TBXT: variants seen among roughly 807,000 people sequenced by gnomAD.
TBXT encodes T brachyury transcription factor.
In TBXT, 19 loss-of-function variants were observed where a neutral mutation model predicts 41.1. That is an observed-to-expected ratio of 0.46 (90% CI 0.32 to 0.68). The LOEUF (loss-of-function observed/expected upper bound fraction) is 0.68. TBXT is among the 30% of genes least tolerant of loss of function. The probability of loss-of-function intolerance (pLI) is 0.03; values close to 1 mark genes in which losing one functional copy is unlikely to be tolerated. For synonymous variants in TBXT, 213 were observed against 238.9 expected, an observed-to-expected ratio of 0.89 and a Z score of 1.00; for missense variants, 536 against 582.0, an observed-to-expected ratio of 0.92 and a Z score of 0.81.
chr6:166,167,592 C>T lies in TBXT; in HGVS notation c.-1G>A, dbSNP rs1200543837. 3 of 1,552,646 alleles carry T rather than the reference C, an allele frequency of 1.9e-6. No individual in the cohort carries two copies. The highest frequency in any genetic ancestry group is 1.2e-5 in the South Asian group (1 of 85,406). On this transcript the variant is annotated 5_prime_UTR_variant, in exon 1 of 8. Coordinates refer to ENST00000366876, the MANE Select transcript of TBXT (RefSeq NM_001366285.2). ...CGCTCTCGGTGCCAGGGGAGCTCAT[C>T]CTCCCGTCCGGCTCCCCTCCCCGCC... is the stretch of plus-strand genomic sequence containing the variant.
chr6:166,165,657 C>G (rs1306477967), intron 3 of TBXT, 49 bp downstream of exon 3: 1 of 1,612,608 alleles, frequency 6.2e-7, no homozygotes, highest in East Asian at 2.2e-5. Flanking sequence ...CGGAGCAGCA[C>G]ACCACACCGC....
chr6:166,161,016 A>G (rs1778940185), intron 6 of TBXT, 50 bp from the exon 7 acceptor site: 1 of 1,608,170 alleles, frequency 6.2e-7, no homozygotes. Context: ...TCTTCCAAGA[A>G]CAACAAAGTA....
intron 3 of TBXT, 39 bp downstream of exon 3, chr6:166,165,667 C>A: frequency 6.2e-7 from 1 of 1,612,924 alleles, no homozygotes; most frequent in Non-Finnish European, 8.5e-7. Context: ...CACCACACCG[C>A]AGCACACCGG....
intron 1 of TBXT, 41 bp from the exon 2 acceptor site, chr6:166,166,897 A>G: frequency 6.2e-7 from 1 of 1,612,182 alleles, no homozygotes; most frequent in Non-Finnish European, 8.5e-7. Context: ...CCCGACACTG[A>G]CCAGGTAGGC....
intron 5 of TBXT, 38 bp downstream of exon 5, chr6:166,164,567 T>A (rs1253597214): frequency 1.9e-6 from 3 of 1,612,906 alleles, no homozygotes; most frequent in Non-Finnish European, 2.5e-6. Flanking sequence ...CTAGTCCCGA[T>A]GACGCAGAAT....
intron 1 of TBXT, 135 bp downstream of exon 1, chr6:166,167,251 G>A (rs1016396712): frequency 2.3e-5 from 24 of 1,034,512 alleles, no homozygotes; most frequent in Admixed American, 2.1e-4. Context: ...ACTCGAGGGA[G>A]TTAACCAGAG....
At position 166,167,747 on chromosome 6, in the gene TBXT, G is replaced by A. The variant is rs1779174422; in HGVS notation, c.-156C>T. ...GGGTCCCGGGTCCCGGCACAGACCC[G>A]GGAGGAGGGCGCGGACCAAGACTTG... is the stretch of plus-strand genomic sequence containing the variant. On this transcript the variant is annotated 5_prime_UTR_variant, in exon 1 of 8. Transcript: ENST00000366876. 3 of 927,216 alleles carry A rather than the reference G, an allele frequency of 3.2e-6. No individual in the cohort carries two copies. The highest frequency in any genetic ancestry group is 3.2e-6 in the Non-Finnish European group (2 of 615,750). 57.4% of individuals were successfully genotyped at this position (927,216 alleles called of 1,614,324 possible). A position where few individuals can be genotyped will look rare whatever the true frequency, so the allele number is the denominator to read the frequency against.
In TBXT at chr6:166,166,611, T is replaced by C; in HGVS notation, c.452A>G (p.Lys151Arg). ...ACCTACCTGGCCCCCTCCGTTGAGC[T>C]TGTTGGTGAGCTTGACTTTGCTGAA... is the stretch of plus-strand genomic sequence containing the variant. ...VSFSKVKLTN[K>R]LNGGGQIMLN... is the part of the protein sequence containing the mutation. The change falls in exon 2 of 8, where the codon AAG becomes AGG. Residue 151 changes from lysine to arginine, a missense_variant. Lys to Arg is a conservative substitution (Grantham distance 26). Transcript: ENST00000366876. 1 of 1,613,974 alleles carries C rather than the reference T, an allele frequency of 6.2e-7. No individual in the cohort carries two copies. Among genetic ancestry groups the C allele is most frequent in the Non-Finnish European group, 8.5e-7 (1 of 1,179,994 alleles).
At chr6:166,165,603 C>T (rs1779084375) in intron 3 of TBXT, 103 bp downstream of exon 3, 2 of 1,580,380 alleles carry the variant, frequency 1.3e-6, no homozygotes, top group African/African-American at 2.7e-5. Context: ...AAGCCTTCCT[C>T]TCAGTGCGGG....
rs1354837276 is a variant in TBXT at position 166,167,775 on chromosome 6, G to A, written c.-184C>T. 5.9e-6 allele frequency: 4 copies of A among 682,846 alleles called. No individual in the cohort carries two copies. The East Asian group carries it at 1.1e-4, about 18-fold the overall frequency. The allele number at this position is 682,846 out of a possible 1,614,324, so 42.3% of individuals were successfully genotyped here. On this transcript the variant is annotated 5_prime_UTR_variant, in exon 1 of 8. Transcript: ENST00000366876. Reference sequence around the variant, plus strand: ...AGGAGGGCGCGGACCAAGACTTGGGGGGAGGGGACGGGGGCAGAGGGGTGG... The same window carrying A: ...AGGAGGGCGCGGACCAAGACTTGGGAGGAGGGGACGGGGGCAGAGGGGTGG...
rs1474892153 is a variant in TBXT, at chr6:166,158,554, C to T, written c.1072G>A (p.Ala358Thr). ...GCTGCCTGGGAGCCCGGGGTGACGG[C>T]GCCGTTGCTCACAGACCACAGGCTG... The part of the protein sequence containing the change: ...YPSLWSVSNG[A>T]VTPGSQAAAV... Residue 358 changes from alanine to threonine, a missense_variant, in exon 8 of 8, where the codon GCC becomes ACC. Ala to Thr is a moderately conservative substitution (Grantham distance 58). Transcript: ENST00000366876. 5.0e-6 allele frequency: 8 copies of T among 1,584,462 alleles called. No homozygotes were observed. Among genetic ancestry groups the T allele is most frequent in the African/African-American group, 1.3e-5 (1 of 74,526 alleles).
intron 1 of TBXT, 112 bp from the exon 2 acceptor site, chr6:166,166,968 GGAAC>G (rs1779137419): frequency 6.4e-7 from 1 of 1,568,422 alleles, no homozygotes; most frequent in Non-Finnish European, 8.7e-7. Context: ...AGCCCCCTGG[GGAAC>G]GTCCGAGGGT....
At position 166,166,690 on chromosome 6, in the gene TBXT, T is replaced by G. The variant is rs1779126558; in HGVS notation, c.373A>C (p.Ile125Leu). The G allele has an allele frequency of 1.2e-6, 2 of 1,614,004 alleles. No homozygotes were observed. The highest frequency in any genetic ancestry group is 1.7e-6 in the Non-Finnish European group (2 of 1,180,030). Residue 125 changes from isoleucine (I) to leucine (L), a missense_variant, in exon 2 of 8, where the codon ATC (isoleucine) becomes CTC (leucine). Coordinates refer to ENST00000366876, the MANE Select transcript of TBXT (RefSeq NM_001366285.2). The stretch of plus-strand genomic sequence containing the variant: ...CCGAAGTTGGGCGAGTCGGGGTGGA[T>G]GTAGACGCAGCTGGGCGCCTGCGGC... The part of the protein sequence containing the change: ...PEPQAPSCVY[I>L]HPDSPNFGAH...
chr6:166,167,777 G>T lies in TBXT; in HGVS notation c.-186C>A. On this transcript the variant is annotated 5_prime_UTR_variant, in exon 1 of 8. Transcript: ENST00000366876. ...GAGGGCGCGGACCAAGACTTGGGGGGAGGGGACGGGGGCAGAGGGGTGGGG... is the reference window on the plus strand; with the variant it reads ...GAGGGCGCGGACCAAGACTTGGGGGTAGGGGACGGGGGCAGAGGGGTGGGG... The T allele has an allele frequency of 8.8e-6, 6 of 682,098 alleles. No homozygotes were observed. The highest frequency in any genetic ancestry group is 7.3e-5 in the South Asian group (4 of 55,084). 42.3% of individuals were successfully genotyped at this position (682,098 alleles called of 1,614,324 possible).
rs1778827269 is a variant in TBXT at position 166,157,886 on chromosome 6, T to C, written c.*429A>G. 1 of 283,366 alleles carries C rather than the reference T, an allele frequency of 3.5e-6. No homozygotes were observed. Among genetic ancestry groups the C allele is most frequent in the Non-Finnish European group, 6.9e-6 (1 of 145,432 alleles). The allele number at this position is 283,366 out of a possible 1,614,324, so 17.6% of individuals were successfully genotyped here. ...TCCTTAACAGCTCAACTCTAACTAC[T>C]TGAAAGCAACAAGGAAGAAGATTAA... On this transcript the variant is annotated 3_prime_UTR_variant, in exon 8 of 8. Transcript: ENST00000366876.
chr6:166,162,558 C>T lies in TBXT; in HGVS notation c.796G>A (p.Gly266Arg), dbSNP rs906737557. 13 of 1,614,126 alleles carry T rather than the reference C, an allele frequency of 8.1e-6. No individual in the cohort carries two copies. Among genetic ancestry groups the T allele is most frequent in the Non-Finnish European group, 1.1e-5 (13 of 1,180,008 alleles). Residue 266 changes from glycine to arginine, a missense_variant, in exon 6 of 8, where the codon GGA becomes AGA. Coordinates refer to ENST00000366876, the MANE Select transcript of TBXT (RefSeq NM_001366285.2). ...CPPANPHPQFGGALSLPSTHS... is the reference protein window; with the variant it reads ...CPPANPHPQFRGALSLPSTHS... ...GTGGAGGGGAGGGAGAGGGCACCTC[C>T]AAACTGAGGATGAGGATTTGCAGGT... is the stretch of plus-strand genomic sequence containing the variant.
At chr6:166,165,656 A>G in intron 3 of TBXT, 50 bp downstream of exon 3, 1 of 1,612,552 alleles carries the variant, frequency 6.2e-7, no homozygotes, top group South Asian at 1.1e-5. Flanking sequence ...ACGGAGCAGC[A>G]CACCACACCG....
chr6:166,166,769 G>A lies in TBXT; in HGVS notation c.294C>T (p.Asp98=), dbSNP rs920961. 21,863 of 1,613,712 alleles carry A rather than the reference G, an allele frequency of 0.014. 1,554 individuals are homozygous for A. The African/African-American group carries it at 0.2, about 15-fold the overall frequency. ...CGTTCACGTACTTCCAGCGGTGGTT[G>A]TCCGCCGCCACGAAGTCCAGCAGGA... ...YSFLLDFVAA[D]NHRWKYVNGE... is the part of the protein sequence containing the mutation. Residue 98 remains aspartate, a synonymous_variant, in exon 2 of 8, where the codon GAC becomes GAT. Transcript: ENST00000366876.
chr6:166,162,608 A>G lies in TBXT; in HGVS notation c.746T>C (p.Leu249Pro). ...TGGACACAGGGTGCTGGTTCCAGGA[A>G]GAAGCCACCCCCCTGCTGTGAGAAA... ...PGYSQSGGWLLPGTSTLCPPA... is the reference protein window; with the variant it reads ...PGYSQSGGWLPPGTSTLCPPA... The change falls in exon 6 of 8, where the codon CTT becomes CCT. Residue 249 changes from leucine (L) to proline (P), a missense_variant. Physicochemically the swap from Leu to Pro is moderately conservative, Grantham distance 98. Coordinates refer to ENST00000366876, the MANE Select transcript of TBXT (RefSeq NM_001366285.2). 2 of 1,613,262 alleles carry G rather than the reference A, an allele frequency of 1.2e-6. No individual in the cohort carries two copies. Among genetic ancestry groups the G allele is most frequent in the Non-Finnish European group, 1.7e-6 (2 of 1,179,602 alleles).
Sources: gnomAD v4.1 joint callset for allele counts on GRCh38, gnomAD v4.1.1 for gene constraint, MANE v1.5 for transcripts, NCBI Gene and HGNC (gene_info 2026-07-23, HGNC 2026-07-21) for gene names.